Variants in USP24 observed in about 807,000 individuals in gnomAD.
USP24 encodes ubiquitin carboxyl-terminal hydrolase 24.
In USP24, 97 loss-of-function variants were observed where a neutral mutation model predicts 361.6. That is an observed-to-expected ratio of 0.27 (90% CI 0.23 to 0.32). USP24 has a LOEUF of 0.32. USP24 is among the 10% of genes least tolerant of loss of function. The pLI, the probability that USP24 is intolerant of heterozygous loss-of-function variation, is 1.00. For missense variants in USP24, 2,353 were observed against 3,165.6 expected (o/e 0.74, Z 6.16); for synonymous variants, 1,098 against 1,124.6 (o/e 0.98, Z 0.47).
chr1:55,107,249 C>G lies in USP24; in HGVS notation c.4752G>C (p.Lys1584Asn). 1 of 1,608,426 alleles carries G rather than the reference C, an allele frequency of 6.2e-7. No homozygotes were observed. Among genetic ancestry groups the G allele is most frequent in the Non-Finnish European group, 8.5e-7 (1 of 1,178,042 alleles). The change falls in exon 40 of 68, where the codon AAG (lysine) becomes AAC (asparagine). Residue 1584 changes from lysine (K) to asparagine (N), a missense_variant. Lys to Asn is a moderately conservative substitution (Grantham distance 94). Around this residue, in one of 8 missense-constraint regions of USP24, gnomAD observed 949 missense variants for 1,280.5 expected, o/e 0.74. Transcript: ENST00000294383. ...TGGAGCAATAATTACCAAGCATTTC[C>G]TTTTCTGCCCCACAGAGTGAAAGAA... is the stretch of plus-strand genomic sequence containing the variant. ...KTLLSLCGAEKEMLGSSLIKP... is the reference protein window; with the variant it reads ...KTLLSLCGAENEMLGSSLIKP...
chr1:55,077,354 C>A, intron 61 of USP24, 54 bp from the exon 62 acceptor site: 1 of 1,468,066 alleles, frequency 6.8e-7, no homozygotes, highest in Non-Finnish European at 9.3e-7. Flanking sequence ...ATTGGAATGG[C>A]AATTAACAAT....
chr1:55,092,741 G>A lies in USP24; in HGVS notation c.6450+80C>T, dbSNP rs992898250. The A allele has an allele frequency of 2.8e-6, 3 of 1,057,316 alleles. No homozygotes were observed. The African/African-American group carries it at 5.0e-5, about 18-fold the overall frequency. 65.5% of individuals were successfully genotyped at this position (1,057,316 alleles called of 1,614,324 possible). On this transcript the variant is annotated intron_variant, in intron 53 of 67. Coordinates refer to ENST00000294383, the MANE Select transcript of USP24 (RefSeq NM_015306.3). ...CTGAATGCTAACTACTGAGACTGAGGATGAATCACTGAATGCTTTAGCTAA... is the reference window on the plus strand; with the variant it reads ...CTGAATGCTAACTACTGAGACTGAGAATGAATCACTGAATGCTTTAGCTAA...
chr1:55,097,345 AG>A (rs1645519529), intron 48 of USP24, among the ~76,000 whole-genome samples, 173 bp from the exon 49 acceptor site: 1 of 152,186 alleles, frequency 6.6e-6, no homozygotes, highest in South Asian at 2.1e-4. Context: ...CGTCTAAAGT[AG>A]CCTCTGGTTT....
chr1:55,189,743 T>C (rs1644235853), intron 1 of USP24, among the ~76,000 whole-genome samples: 1 of 152,172 alleles, frequency 6.6e-6, no homozygotes, highest in Non-Finnish European at 1.5e-5. Flanking sequence ...TTAACAAAAA[T>C]GAGTTCAATG....
chr1:55,120,509 T>C (rs746942976), intron 38 of USP24, 87 bp downstream of exon 38: 3 of 1,388,738 alleles, frequency 2.2e-6, no homozygotes, highest in Non-Finnish European at 2.9e-6. Context: ...ATCTCAATAA[T>C]GCACTGTGGA....
At chr1:55,177,355 A>C (rs1039139391) in intron 2 of USP24, among the ~76,000 whole-genome samples, 1 of 152,162 alleles carries the variant, frequency 6.6e-6, no homozygotes, top group Admixed American at 6.6e-5. Flanking sequence ...GAATACTGCT[A>C]AACACACTCT....
intron 7 of USP24, among the ~76,000 whole-genome samples, chr1:55,164,324 G>T (rs1648599240): frequency 6.6e-6 from 1 of 152,036 alleles, no homozygotes; most frequent in African/African-American, 2.4e-5. Context: ...ACCTAGGTAT[G>T]TGTGTGGGGA....
chr1:55,160,430 C>T (rs977598229), intron 8 of USP24, among the ~76,000 whole-genome samples: 3 of 152,192 alleles, frequency 2.0e-5, no homozygotes, highest in African/African-American at 7.2e-5. Context: ...TCAGCACATG[C>T]TGTTTAATCC....
intron 61 of USP24, among the ~76,000 whole-genome samples, chr1:55,077,740 A>C (rs1488518914): frequency 1.3e-5 from 2 of 152,248 alleles, no homozygotes; most frequent in Non-Finnish European, 2.9e-5. Flanking sequence ...TAAGTGAAGA[A>C]GGCAAAATTC....
intron 18 of USP24, 133 bp downstream of exon 18, chr1:55,147,516 T>C: frequency 1.1e-6 from 1 of 924,400 alleles, no homozygotes; most frequent in Non-Finnish European, 1.5e-6. Flanking sequence ...GATACAAAAC[T>C]GTTCCCTCAC....
At chr1:55,203,161 C>T (rs188438753) in intron 1 of USP24, among the ~76,000 whole-genome samples, 1 of 152,196 alleles carries the variant, frequency 6.6e-6, no homozygotes, top group African/African-American at 2.4e-5. Flanking sequence ...CTGGGGTTCT[C>T]GGAATCCATC....
Position 55,079,554 on chromosome 1 carries a change from T to C in USP24, c.7184A>G (p.Lys2395Arg). Reference protein sequence around the residue: ...VEALLFMSEGKPYLLEVMFAL... With the variant: ...VEALLFMSEGRPYLLEVMFAL... ...AGTACATACCTCTAACAGGTAAGGT[T>C]TCCCTTCAGACATGAACAACAAGGC... The change falls in exon 60 of 68, where the codon AAA becomes AGA. Residue 2395 changes from lysine to arginine, a missense_variant. Physicochemically the swap from Lys to Arg is conservative, Grantham distance 26. This residue lies in a region of USP24 where 598 missense variants were observed against 761.9 expected (regional missense o/e 0.78). Transcript: ENST00000294383. 1 of 1,575,764 alleles carries C rather than the reference T, an allele frequency of 6.3e-7. No homozygotes were observed. The highest frequency in any genetic ancestry group is 1.2e-5 in the South Asian group (1 of 82,000).
intron 34 of USP24, among the ~76,000 whole-genome samples, chr1:55,125,085 T>C (rs1306100256): frequency 1.4e-5 from 2 of 144,158 alleles, no homozygotes; most frequent in Non-Finnish European, 3.1e-5. Flanking sequence ...AAGGAAATTA[T>C]TCTGCCTCCT....
chr1:55,106,175 G>C lies in USP24; in HGVS notation c.4851C>G (p.Ala1617=). The change falls in exon 41 of 68, where the codon GCC becomes GCG. Residue 1617 remains alanine (A), a synonymous_variant. Coordinates refer to ENST00000294383, the MANE Select transcript of USP24 (RefSeq NM_015306.3). ...ILNSHSPAGS[A]AISQQDFHPK... is the part of the protein sequence containing the mutation. ...GATGAAAGTCCTGTTGACTGATGGCGGCACTGCCAGCTGGAGAATGACTAT... is the reference window on the plus strand; with the variant it reads ...GATGAAAGTCCTGTTGACTGATGGCCGCACTGCCAGCTGGAGAATGACTAT... 6.2e-7 allele frequency: 1 copy of C among 1,613,762 alleles called. No homozygotes were observed. The highest frequency in any genetic ancestry group is 1.7e-5 in the Admixed American group (1 of 60,022).
chr1:55,124,069 C>A (rs1363308822), intron 35 of USP24, among the ~76,000 whole-genome samples: 1 of 152,102 alleles, frequency 6.6e-6, no homozygotes, highest in Non-Finnish European at 1.5e-5. Context: ...CCAAATAAAG[C>A]TGGGAAATAA....
intron 1 of USP24, 51 bp downstream of exon 1, chr1:55,214,739 G>T (rs968045419): frequency 1.7e-6 from 2 of 1,155,326 alleles, no homozygotes; most frequent in East Asian, 4.2e-5. Context: ...CCCCTCCCAG[G>T]AACTCCAGCC....
At chr1:55,092,549 T>C (rs1645406114) in intron 53 of USP24, among the ~76,000 whole-genome samples, 1 of 152,236 alleles carries the variant, frequency 6.6e-6, no homozygotes, top group African/African-American at 2.4e-5. Context: ...CTCACAGTTA[T>C]AGCTATTCTA....
chr1:55,088,774 CTGACTTGA>C (rs1004477670), intron 55 of USP24, among the ~76,000 whole-genome samples: 132 of 152,270 alleles, frequency 8.7e-4, no homozygotes, highest in Admixed American at 3.5e-3. Flanking sequence ...ACAAGAGAAG[CTGACTTGA>C]TGAGGATGAT....
At chr1:55,168,842 A>C (rs1172911937) in intron 5 of USP24, among the ~76,000 whole-genome samples, 1 of 152,218 alleles carries the variant, frequency 6.6e-6, no homozygotes, top group Admixed American at 6.5e-5. Flanking sequence ...TAGTGCTTCC[A>C]GGCACTTACC....
Sources: allele counts gnomAD v4.1 joint callset (sites outside exome capture counted in the v4.1 genomes callset), GRCh38; gene constraint gnomAD v4.1.1; regional missense constraint gnomAD v4.1.1; transcripts MANE v1.5; gene names NCBI Gene and HGNC (gene_info 2026-07-23, HGNC 2026-07-21).